The following CDH23 variants were observed in gnomAD, a reference collection of about 807,000 sequenced individuals.
CDH23 encodes cadherin related 23, also known as cadherin-23.
In CDH23, 189 loss-of-function variants were observed where a neutral mutation model predicts 317.1. The ratio of observed to expected loss-of-function variants is 0.60; its 90% confidence interval spans 0.53 to 0.67. The LOEUF (loss-of-function observed/expected upper bound fraction) is 0.67, where lower values mean the gene tolerates loss of function less well. Ranked by LOEUF, CDH23 falls within the 30% of genes least tolerant of loss-of-function variation. CDH23 has a pLI of 0.00. For missense variants in CDH23, 4,401 were observed against 4,592.4 expected, an observed-to-expected ratio of 0.96 and a Z score of 1.20; for synonymous variants, 1,839 against 1,876.8, an observed-to-expected ratio of 0.98 and a Z score of 0.52.
At chr10:71,694,724 G>A (rs1049862470) in intron 21 of CDH23, among the ~76,000 whole-genome samples, 2 of 152,090 alleles carry the variant, frequency 1.3e-5, no homozygotes, top group Non-Finnish European at 2.9e-5. Context: ...TGGGGGCCTC[G>A]AATGAGCTCT....
rs756147087 is a variant in CDH23, at chr10:71,705,043, G to A, written c.2866G>A (p.Glu956Lys). ...VVVTTTELDR[E>K]RIAEYQLRVV... ...GGTCACCACCACCGAGCTGGACCGC[G>A]AGCGCATCGCGGAGTACCAGCTGCG... Residue 956 changes from glutamate (E) to lysine (K), a missense_variant, in exon 25 of 70, where the codon GAG (glutamate) becomes AAG (lysine). By Grantham distance (56) the Glu-to-Lys change is moderately conservative. Around this residue, in one of 3 missense-constraint regions of CDH23, gnomAD observed 3,068 missense variants for 3,203.3 expected, o/e 0.96. Transcript: ENST00000224721. The A allele has an allele frequency of 1.6e-5, 25 of 1,612,558 alleles. No individual in the cohort carries two copies. The African/African-American group carries it at 2.0e-4, about 13-fold the overall frequency.
At chr10:71,423,316 G>A (rs923968812) in intron 1 of CDH23, among the ~76,000 whole-genome samples, 1 of 152,232 alleles carries the variant, frequency 6.6e-6, no homozygotes, top group African/African-American at 2.4e-5. Flanking sequence ...AAGCCCTGTT[G>A]AAGGAGGAGA....
intron 38 of CDH23, chr10:71,747,823 G>C (rs1839889114): frequency 6.6e-6 from 1 of 152,276 alleles, no homozygotes; most frequent in Non-Finnish European, 1.5e-5. Flanking sequence ...GTCTCACCAA[G>C]CTATATTGAT....
intron 6 of CDH23, among the ~76,000 whole-genome samples, chr10:71,564,841 T>C (rs532083435): frequency 4.5e-4 from 69 of 152,366 alleles, no homozygotes; most frequent in African/African-American, 1.6e-3. Context: ...TGTTGGAAGA[T>C]TTTTGATTAC....
intron 1 of CDH23, among the ~76,000 whole-genome samples, chr10:71,412,222 G>C (rs1589274387): frequency 6.6e-6 from 1 of 152,138 alleles, no homozygotes; most frequent in East Asian, 1.9e-4. Context: ...TGGACATTTG[G>C]ATTGTTGCCA....
intron 48 of CDH23, among the ~76,000 whole-genome samples, chr10:71,793,984 C>G (rs1341791737): frequency 6.6e-6 from 1 of 151,936 alleles, no homozygotes; most frequent in Non-Finnish European, 1.5e-5. Context: ...CTTGTTTGTT[C>G]TTTTGTTTTT....
chr10:71,746,404 C>T (rs971307283), intron 38 of CDH23, among the ~76,000 whole-genome samples: 2 of 152,240 alleles, frequency 1.3e-5, no homozygotes, highest in Admixed American at 1.3e-4. Flanking sequence ...TAGGCCACCC[C>T]CATCCGGCCT....
intron 6 of CDH23, among the ~76,000 whole-genome samples, chr10:71,528,294 C>G (rs893124082): frequency 2.0e-5 from 3 of 152,228 alleles, no homozygotes; most frequent in Middle Eastern, 6.8e-3. Context: ...TCGGTGTTCT[C>G]TCCCTAAAGA....
At position 71,751,096 on chromosome 10, in the gene CDH23, T is replaced by G; in HGVS notation, c.4845+9175T>G. On this transcript the variant is annotated intron_variant, in intron 38 of 69. Transcript: ENST00000224721. This position sits in a 1 kb window ranked among gnomAD's most constrained non-coding sequence, Gnocchi z 4.9. ...CATCCCCATGTAGCATCCAGAGGGG[T>G]TGAGGGGCTGGGCTTCTGGGATGTC... is the stretch of plus-strand genomic sequence containing the variant. The G allele has an allele frequency of 1.1e-6, 1 of 876,600 alleles. No homozygotes were observed. The highest frequency in any genetic ancestry group is 1.8e-5 in the South Asian group (1 of 55,048). 54.3% of individuals were successfully genotyped at this position (876,600 alleles called of 1,614,324 possible).
At position 71,784,897 on chromosome 10, in the gene CDH23, G is replaced by A. The variant is rs1841057561; in HGVS notation, c.5509G>A (p.Val1837Met). Residue 1837 changes from valine (V) to methionine (M), a missense_variant, in exon 43 of 70, where the codon GTG (valine) becomes ATG (methionine). Around this residue, in one of 3 missense-constraint regions of CDH23, gnomAD observed 3,068 missense variants for 3,203.3 expected, o/e 0.96. Coordinates refer to ENST00000224721, the MANE Select transcript of CDH23 (RefSeq NM_022124.6). ...CCTTCTCTGACTGGCCCAGATGCTG[G>A]TGGGGATCCGGGTGCTGGACATCAA... Reference protein sequence around the residue: ...GMPPLSSTMLVGIRVLDINDN... With the variant: ...GMPPLSSTMLMGIRVLDINDN... 2 of 1,613,606 alleles carry A rather than the reference G, an allele frequency of 1.2e-6. No homozygotes were observed. Among genetic ancestry groups the A allele is most frequent in the East Asian group, 2.2e-5 (1 of 44,876 alleles).
At chr10:71,755,473 G>T in intron 38 of CDH23, 1 of 1,606,822 alleles carries the variant, frequency 6.2e-7, no homozygotes, top group South Asian at 1.1e-5. Context: ...ATGTCTGAAA[G>T]GGCAGAGAGG....
In CDH23 at chr10:71,807,730, C is replaced by A. The variant is rs778716135; in HGVS notation, c.8523C>A (p.Asp2841Glu). 1 of 1,608,722 alleles carries A rather than the reference C, an allele frequency of 6.2e-7. No individual in the cohort carries two copies. The highest frequency in any genetic ancestry group is 2.2e-5 in the East Asian group (1 of 44,608). ...GCGTTGTGCTAGAGGACATCAACGACCAGCCACCACGCTTCACCAAGGCTG... is the reference window on the plus strand; with the variant it reads ...GCGTTGTGCTAGAGGACATCAACGAACAGCCACCACGCTTCACCAAGGCTG... ...EVRVVLEDINDQPPRFTKAEY... is the reference protein window; with the variant it reads ...EVRVVLEDINEQPPRFTKAEY... The change falls in exon 59 of 70, where the codon GAC (aspartate) becomes GAA (glutamate). Residue 2841 changes from aspartate to glutamate, a missense_variant. Around this residue, in one of 3 missense-constraint regions of CDH23, gnomAD observed 1,144 missense variants for 1,138.2 expected, o/e 1.01. Transcript: ENST00000224721.
chr10:71,587,658 A>T (rs755954542), intron 9 of CDH23, among the ~76,000 whole-genome samples: 15 of 152,190 alleles, frequency 9.9e-5, no homozygotes, highest in Non-Finnish European at 2.1e-4. Flanking sequence ...GGTTATGGGC[A>T]TGGGAGGAGA....
intron 38 of CDH23, among the ~76,000 whole-genome samples, chr10:71,772,523 G>A (rs912012848): frequency 7.2e-5 from 11 of 152,252 alleles, no homozygotes; most frequent in African/African-American, 2.7e-4. Flanking sequence ...GGGAGCCCCT[G>A]TGTTGGGGCC....
intron 6 of CDH23, among the ~76,000 whole-genome samples, chr10:71,521,744 G>A (rs906027982): frequency 4.6e-5 from 7 of 152,206 alleles, no homozygotes; most frequent in Admixed American, 2.6e-4. Flanking sequence ...GCTGAGGGCC[G>A]GCCCCGGCTC....
chr10:71,519,022 C>A (rs10999858), intron 6 of CDH23, among the ~76,000 whole-genome samples: 110,015 of 151,758 alleles, frequency 0.72, 40,839 homozygotes, highest in African/African-American at 0.88. Context: ...GAGGGAGCCC[C>A]CCTGTAATTA....
chr10:71,726,705 C>T (rs1341857947), intron 30 of CDH23, among the ~76,000 whole-genome samples: 1 of 152,234 alleles, frequency 6.6e-6, no homozygotes, highest in African/African-American at 2.4e-5. Flanking sequence ...AGTACGCCCT[C>T]ATCAGAGCCT....
intron 34 of CDH23, among the ~76,000 whole-genome samples, chr10:71,737,311 G>T (rs1839593899): frequency 6.6e-6 from 1 of 152,184 alleles, no homozygotes; most frequent in African/African-American, 2.4e-5. Context: ...CCTCCCAACA[G>T]GTGTCATTCT....
At chr10:71,682,722 C>A in intron 18 of CDH23, 150 bp downstream of exon 18, 1 of 1,041,780 alleles carries the variant, frequency 9.6e-7, no homozygotes, top group Non-Finnish European at 1.4e-6. Flanking sequence ...CCAAAGCCTG[C>A]CCTTAGCAAG....
Sources: gnomAD v4.1 joint callset for allele counts (sites outside exome capture counted in the v4.1 genomes callset) on GRCh38, gnomAD v4.1.1 for gene constraint, gnomAD v4.1.1 regional missense constraint, Gnocchi (gnomAD v3.1) non-coding constraint, MANE v1.5 for transcripts, NCBI Gene and HGNC (gene_info 2026-07-23, HGNC 2026-07-21) for gene names.